MYT1L: variants seen among roughly 807,000 people sequenced by gnomAD.
MYT1L encodes the protein myelin transcription factor 1-like protein.
In MYT1L, 12 loss-of-function variants were observed where a neutral mutation model predicts 126.7. The ratio of observed to expected loss-of-function variants is 0.09; its 90% confidence interval spans 0.06 to 0.15. The LOEUF (loss-of-function observed/expected upper bound fraction) is 0.15. Among genes scored for constraint, MYT1L ranks in the 10% least tolerant of loss-of-function variants. The pLI is 1.00. For missense variants in MYT1L, 979 were observed against 1,585.2 expected (o/e 0.62, Z 6.49); for synonymous variants, 541 against 604.2 (o/e 0.90, Z 1.53).
At chr2:2,274,093 T>C (rs971668183) in intron 2 of MYT1L, among the ~76,000 whole-genome samples, 17 of 152,112 alleles carry the variant, frequency 1.1e-4, no homozygotes, top group African/African-American at 4.1e-4. Context: ...ATAGAGAAAT[T>C]ATAATTAACA....
intron 21 of MYT1L, among the ~76,000 whole-genome samples, chr2:1,814,203 C>T (rs115752368): frequency 3.3e-5 from 5 of 152,042 alleles, no homozygotes; most frequent in South Asian, 2.1e-4. Flanking sequence ...GCTAGGTGAA[C>T]GCCCCTGGCA....
rs889348678 is a variant in MYT1L at position 1,852,980 on chromosome 2, G to A, written c.2712-1277C>T. Among the ~76,000 whole-genome samples, 15 of 152,218 alleles carry A rather than the reference G, an allele frequency of 9.9e-5. No individual in the cohort carries two copies. Among genetic ancestry groups the A allele is most frequent in the Admixed American group, 7.2e-4 (11 of 15,286 alleles). ...CAGGTGGGCTTTCTCAAGATCAGAG[G>A]AGAATGGCAGGGATTAGAGTGGGAA... On this transcript the variant is annotated intron_variant, in intron 18 of 24. Coordinates refer to ENST00000647738, the MANE Select transcript of MYT1L (RefSeq NM_001303052.2). This position sits in a 1 kb window ranked among gnomAD's most constrained non-coding sequence, Gnocchi z 4.0.
At position 1,792,183 on chromosome 2, in the gene MYT1L, G is replaced by A. The variant is rs1016543178; in HGVS notation, c.3420+138C>T. ...CCCGCCCATGTTTCTAGCAGTTAAT[G>A]GTATGGTTTCGGGGTGGTAACCACA... On this transcript the variant is annotated intron_variant, in intron 24 of 24. Transcript: ENST00000647738. 1.4e-5 allele frequency: 18 copies of A among 1,276,712 alleles called. No individual in the cohort carries two copies. The African/African-American group carries it at 2.1e-4, about 15-fold the overall frequency. The allele number at this position is 1,276,712 out of a possible 1,614,324, so 79.1% of individuals were successfully genotyped here. A position where few individuals can be genotyped will look rare whatever the true frequency, so the allele number is the denominator to read the frequency against.
At chr2:1,812,120 G>A (rs1017016111) in intron 21 of MYT1L, among the ~76,000 whole-genome samples, 15 of 152,128 alleles carry the variant, frequency 9.9e-5, no homozygotes, top group Non-Finnish European at 1.5e-4. Flanking sequence ...TTTGGCCCCC[G>A]CATCCAGGTA....
Position 1,793,302 on chromosome 2 carries a change from G to A in MYT1L, c.3277-838C>T, listed in dbSNP as rs1169406412. 6.6e-6 allele frequency among the ~76,000 whole-genome samples: 1 copy of A among 152,236 alleles called. No individual in the cohort carries two copies. The highest frequency in any genetic ancestry group is 2.1e-4 in the South Asian group (1 of 4,830). The stretch of plus-strand genomic sequence containing the variant: ...AGGGCCTCTGCCTATAACCGCACAG[G>A]ACTAGCTTCACACGCAGCAGGCGGG... On this transcript the variant is annotated intron_variant, in intron 23 of 24. Coordinates refer to ENST00000647738, the MANE Select transcript of MYT1L (RefSeq NM_001303052.2). The surrounding 1 kb of genome is among the most constrained non-coding windows in gnomAD (Gnocchi z 4.6).
At chr2:1,895,887 A>G (rs1186834122) in intron 14 of MYT1L, among the ~76,000 whole-genome samples, 3 of 152,232 alleles carry the variant, frequency 2.0e-5, no homozygotes, top group African/African-American at 7.2e-5. Flanking sequence ...GAAACTATCA[A>G]CGGAGCAGAC....
intron 4 of MYT1L, among the ~76,000 whole-genome samples, chr2:2,028,820 A>G (rs1235755589): frequency 1.3e-5 from 2 of 152,142 alleles, no homozygotes; most frequent in African/African-American, 4.8e-5. Flanking sequence ...TTACCATCCA[A>G]TGGGAGACGC....
At chr2:2,131,317 C>T (rs1190072961) in intron 3 of MYT1L, among the ~76,000 whole-genome samples, 1 of 152,158 alleles carries the variant, frequency 6.6e-6, no homozygotes, top group Non-Finnish European at 1.5e-5. Flanking sequence ...ATCAAACAGC[C>T]TATGATACAA....
At chr2:2,021,790 A>G (rs929803334) in intron 4 of MYT1L, among the ~76,000 whole-genome samples, 11 of 152,108 alleles carry the variant, frequency 7.2e-5, no homozygotes, top group Admixed American at 3.9e-4. Flanking sequence ...CCAGCTACTC[A>G]GGAGGCTGAG....
chr2:2,074,499 A>C (rs2074995774), intron 3 of MYT1L, among the ~76,000 whole-genome samples: 1 of 152,236 alleles, frequency 6.6e-6, no homozygotes, highest in South Asian at 2.1e-4. Flanking sequence ...AAAGATATCA[A>C]TTTACAGAAT....
intron 3 of MYT1L, among the ~76,000 whole-genome samples, chr2:2,151,200 A>C (rs2148307209): frequency 6.6e-6 from 1 of 152,338 alleles, no homozygotes. Context: ...TCAGTGCCTA[A>C]AACACTGCAG....
In MYT1L at chr2:1,910,011, T is replaced by C. The variant is rs1348885920; in HGVS notation, c.1817+229A>G. On this transcript the variant is annotated intron_variant, in intron 13 of 24. Transcript: ENST00000647738. The surrounding 1 kb of genome is among the most constrained non-coding windows in gnomAD (Gnocchi z 4.8). ...GAAATGATTTCCTCCAATTCTCTCA[T>C]GTAAATTGTCACAGCGAATCCGCAG... 2.0e-5 allele frequency among the ~76,000 whole-genome samples: 3 copies of C among 152,192 alleles called. No homozygotes were observed. The highest frequency in any genetic ancestry group is 4.4e-5 in the Non-Finnish European group (3 of 68,028).
chr2:1,923,182 T>C lies in MYT1L; in HGVS notation c.587A>G (p.Asn196Ser). ...KDDNNNDEYDNYDELVAKSLL... is the reference protein window; with the variant it reads ...KDDNNNDEYDSYDELVAKSLL... Reference sequence around the variant, plus strand: ...TGACTTGGCCACCAGTTCATCGTAATTGTCATATTCGTCATTATTGTTATC... The same window carrying C: ...TGACTTGGCCACCAGTTCATCGTAACTGTCATATTCGTCATTATTGTTATC... Residue 196 changes from asparagine to serine, a missense_variant, in exon 10 of 25, where the codon AAT (asparagine) becomes AGT (serine). This residue lies in a region of MYT1L where 243 missense variants were observed against 363.9 expected (regional missense o/e 0.67). Coordinates refer to ENST00000647738, the MANE Select transcript of MYT1L (RefSeq NM_001303052.2). The C allele has an allele frequency of 6.2e-7, 1 of 1,613,978 alleles. No individual in the cohort carries two copies. Among genetic ancestry groups the C allele is most frequent in the Non-Finnish European group, 8.5e-7 (1 of 1,179,836 alleles).
chr2:2,057,061 A>G (rs897703040), intron 3 of MYT1L, among the ~76,000 whole-genome samples: 14 of 152,156 alleles, frequency 9.2e-5, no homozygotes, highest in African/African-American at 3.1e-4. Flanking sequence ...TAGCACATAC[A>G]GGCAGAACGA....
chr2:2,020,642 A>G (rs756344317), intron 4 of MYT1L, among the ~76,000 whole-genome samples: 1 of 152,186 alleles, frequency 6.6e-6, no homozygotes, highest in Non-Finnish European at 1.5e-5. Context: ...TAGTTCCCCC[A>G]GTTTACTGCT....
Position 2,129,838 on chromosome 2 carries a change from G to A in MYT1L, c.-304+43034C>T, listed in dbSNP as rs1350331588. On this transcript the variant is annotated intron_variant, in intron 3 of 24. Coordinates refer to ENST00000647738, the MANE Select transcript of MYT1L (RefSeq NM_001303052.2). ...GGAGAATGGCGTGAACCCGGGAGGC[G>A]GAGCTTGCAGTGAGCCGAGATTGGG... is the stretch of plus-strand genomic sequence containing the variant. Among the ~76,000 whole-genome samples the A allele has an allele frequency of 4.6e-5, 7 of 151,718 alleles. No individual in the cohort carries two copies. In the South Asian group the frequency reaches 6.3e-4, roughly 14 times the overall value.
At chr2:1,836,988 TGGGTGA>T in intron 21 of MYT1L, among the ~76,000 whole-genome samples, 1 of 152,204 alleles carries the variant, frequency 6.6e-6, no homozygotes, top group South Asian at 2.1e-4. Context: ...CAGAGGTGTG[TGGGTGA>T]GGGTCTAGCA....
Position 1,892,222 on chromosome 2 carries a change from T to A in MYT1L, c.2098A>T (p.Ser700Cys). The change falls in exon 15 of 25, where the codon AGC becomes TGC. Residue 700 changes from serine (S) to cysteine (C), a missense_variant. Ser to Cys is a moderately radical substitution (Grantham distance 112). Coordinates refer to ENST00000647738, the MANE Select transcript of MYT1L (RefSeq NM_001303052.2). ...SSTSSYAPSS[S>C]SNLSCGGGSS... The stretch of plus-strand genomic sequence containing the variant: ...CCCCCGCCGCAGCTCAGGTTGCTGC[T>A]GCTGCTGGGCGCGTAGCTGCTGGTG... 6.5e-7 allele frequency: 1 copy of A among 1,550,242 alleles called. No individual in the cohort carries two copies. Among genetic ancestry groups the A allele is most frequent in the Non-Finnish European group, 8.7e-7 (1 of 1,146,516 alleles).
Position 2,044,336 on chromosome 2 carries a change from T to C in MYT1L, c.-158+9642A>G, listed in dbSNP as rs145617742. Among the ~76,000 whole-genome samples the C allele has an allele frequency of 7.6e-3, 1,154 of 152,274 alleles. 16 individuals are homozygous for C. Among genetic ancestry groups the C allele is most frequent in the African/African-American group, 0.027 (1,109 of 41,574 alleles). On this transcript the variant is annotated intron_variant, in intron 4 of 24. Coordinates refer to ENST00000647738, the MANE Select transcript of MYT1L (RefSeq NM_001303052.2). ...TCACAGCTAACTATATCTGAAGTTATCAAGATAAACTTTTATCAGCAGTTA... is the reference window on the plus strand; with the variant it reads ...TCACAGCTAACTATATCTGAAGTTACCAAGATAAACTTTTATCAGCAGTTA...
Sources: gnomAD v4.1 joint callset for allele counts (sites outside exome capture counted in the v4.1 genomes callset) on GRCh38, gnomAD v4.1.1 for gene constraint, gnomAD v4.1.1 regional missense constraint, Gnocchi (gnomAD v3.1) non-coding constraint, MANE v1.5 for transcripts, NCBI Gene and HGNC (gene_info 2026-07-23, HGNC 2026-07-21) for gene names.